The following SRSF11 variants were observed in gnomAD, a reference collection of about 807,000 sequenced individuals.
SRSF11 encodes the protein serine and arginine rich splicing factor 11, also known as serine/arginine-rich splicing factor 11.
SRSF11 carries 9 observed loss-of-function variants against 56.0 expected under a neutral mutation model. That is an observed-to-expected ratio of 0.16 (90% CI 0.10 to 0.28). The LOEUF (loss-of-function observed/expected upper bound fraction) is 0.28. SRSF11 is among the 10% of genes least tolerant of loss of function. The pLI is 1.00. For missense variants in SRSF11, 421 were observed against 600.7 expected (o/e 0.70, Z 3.13); for synonymous variants, 222 against 215.3 (o/e 1.03, Z -0.27).
At chr1:70,239,169 G>A (rs1390364250) in intron 6 of SRSF11, among the ~76,000 whole-genome samples, 1 of 152,080 alleles carries the variant, frequency 6.6e-6, no homozygotes, top group African/African-American at 2.4e-5. Context: ...ACAGCTCACT[G>A]CACCGTCCAT....
rs773976710 is a variant in SRSF11, at chr1:70,244,825, TG to T, written c.932+13del. 3 of 1,613,154 alleles carry T rather than the reference TG, an allele frequency of 1.9e-6. No individual in the cohort carries two copies. The highest frequency in any genetic ancestry group is 8.5e-7 in the Non-Finnish European group (1 of 1,179,460). The stretch of plus-strand genomic sequence containing the variant: ...GCACATCAAAAACAAGGTATAGCAT[TG>T]GGTGAGAAAGCAAATTTTAGGGTTC... On this transcript the variant is annotated intron_variant, in intron 8 of 11. Coordinates refer to ENST00000370949, the MANE Select transcript of SRSF11 (RefSeq NM_001350605.2).
At chr1:70,216,479 C>T (rs909045778), upstream of SRSF11, among the ~76,000 whole-genome samples, 4 of 150,616 alleles carry the variant, frequency 2.7e-5, no homozygotes, top group African/African-American at 7.3e-5. Flanking sequence ...GTCACCCAGA[C>T]TAGAGTACAG....
chr1:70,229,670 T>G, intron 2 of SRSF11: 1 of 985,210 alleles, frequency 1.0e-6, no homozygotes, highest in Non-Finnish European at 1.2e-6. Context: ...AATCTTAATA[T>G]TGTTCATTTT....
chr1:70,239,320 G>A (rs1396213525), intron 6 of SRSF11, 119 bp from the exon 7 acceptor site: 2 of 662,878 alleles, frequency 3.0e-6, no homozygotes, highest in African/African-American at 1.9e-5. Context: ...TTGAACTCCT[G>A]GACTGAAGTG....
At chr1:70,229,821 CATGTT>C (rs1672518264) in intron 2 of SRSF11, 2 of 983,356 alleles carry the variant, frequency 2.0e-6, no homozygotes, top group Non-Finnish European at 2.4e-6. Flanking sequence ...TGGGTTAAGA[CATGTT>C]ATGTAATAGT....
intron 3 of SRSF11, among the ~76,000 whole-genome samples, chr1:70,233,200 G>C (rs904352721): frequency 1.8e-4 from 28 of 151,364 alleles, no homozygotes; most frequent in Admixed American, 1.8e-3. Context: ...TTTATTCTTT[G>C]TTCTGTTTTG....
chr1:70,219,471 A>G (rs1670313429), upstream of SRSF11, among the ~76,000 whole-genome samples: 1 of 152,242 alleles, frequency 6.6e-6, no homozygotes, highest in Non-Finnish European at 1.5e-5. Context: ...AGAAATAAAA[A>G]GTCTGTACAT....
intron 2 of SRSF11, 79 bp downstream of exon 2, chr1:70,228,634 AG>A: frequency 1.4e-6 from 2 of 1,462,440 alleles, no homozygotes; most frequent in Non-Finnish European, 1.8e-6. Flanking sequence ...GAGCATTAGT[AG>A]CATGTTAAAT....
chr1:70,221,980 G>C, intron 1 of SRSF11, 141 bp downstream of exon 1: 2 of 1,421,196 alleles, frequency 1.4e-6, no homozygotes, highest in Non-Finnish European at 1.8e-6. Context: ...TACTTAAGAC[G>C]GTTGTGTTCC....
Position 70,207,300 on chromosome 1 carries a change from C to T in SRSF11, c.-26+1520C>T, listed in dbSNP as rs575200919. Among the ~76,000 whole-genome samples, 7 of 152,240 alleles carry T rather than the reference C, an allele frequency of 4.6e-5. No individual in the cohort carries two copies. The South Asian group carries it at 1.5e-3, about 32-fold the overall frequency. Reference sequence around the variant, plus strand: ...AATAGCTGCCTTATTGGGCCCATACCAGGCTCAGTGCTAATAATACCTCTG... The same window carrying T: ...AATAGCTGCCTTATTGGGCCCATACTAGGCTCAGTGCTAATAATACCTCTG... On this transcript the variant is annotated intron_variant, in intron 1 of 12. Transcript: ENST00000370950.
chr1:70,221,717 C>T lies in SRSF11; in HGVS notation c.81C>T (p.Gly27=), dbSNP rs1473104016. 6.2e-7 allele frequency: 1 copy of T among 1,613,622 alleles called. No individual in the cohort carries two copies. Among genetic ancestry groups the T allele is most frequent in the Admixed American group, 1.7e-5 (1 of 60,002 alleles). ...CCGGTGGCGGAGGTGGTGGTGGCGG[C>T]GGAGGCGGCGGCACCGAGGTAATCC... is the stretch of plus-strand genomic sequence containing the variant. The part of the protein sequence containing the change: ...GGPGGGGGGG[G]GGGGTEVIQV... The change falls in exon 1 of 12, where the codon GGC becomes GGT. Residue 27 remains glycine (G), a synonymous_variant. Transcript: ENST00000370949.
intron 5 of SRSF11, 114 bp from the exon 6 acceptor site, chr1:70,237,311 C>T: frequency 2.3e-6 from 3 of 1,332,290 alleles, no homozygotes; most frequent in Non-Finnish European, 3.1e-6. Context: ...GTCCTCCCCT[C>T]CCTTTTTTTG....
intron 2 of SRSF11, 192 bp downstream of exon 2, chr1:70,228,747 T>C: frequency 7.9e-7 from 1 of 1,266,790 alleles, no homozygotes. Flanking sequence ...TCTGTTATTA[T>C]AAGGTATTTA....
intron 1 of SRSF11, among the ~76,000 whole-genome samples, chr1:70,214,269 A>G (rs1055278541): frequency 1.3e-5 from 2 of 152,160 alleles, no homozygotes; most frequent in African/African-American, 2.4e-5. Context: ...CTTTTATAAC[A>G]TAGAAGATAG....
intron 1 of SRSF11, among the ~76,000 whole-genome samples, chr1:70,212,207 T>G (rs1470395825): frequency 6.6e-6 from 1 of 152,170 alleles, no homozygotes; most frequent in African/African-American, 2.4e-5. Context: ...TTTGATAGTT[T>G]TTTTGTTCTG....
At chr1:70,227,458 A>T (rs967802689) in intron 1 of SRSF11, among the ~76,000 whole-genome samples, 1 of 152,200 alleles carries the variant, frequency 6.6e-6, no homozygotes, top group African/African-American at 2.4e-5. Context: ...GATTTAATTC[A>T]TGTGAAGAGT....
At chr1:70,235,396 G>A (rs1456223073) in intron 4 of SRSF11, 105 bp from the exon 5 acceptor site, 5 of 874,630 alleles carry the variant, frequency 5.7e-6, no homozygotes, top group African/African-American at 3.4e-5. Context: ...TATGTTTCAT[G>A]GCATGTAGTC....
chr1:70,232,077 T>G, intron 2 of SRSF11, 191 bp from the exon 3 acceptor site: 1 of 1,534,996 alleles, frequency 6.5e-7, no homozygotes, highest in Non-Finnish European at 8.8e-7. Flanking sequence ...GAAACAAATT[T>G]TCACACATTG....
At chr1:70,233,739 G>A (rs1673345845) in intron 3 of SRSF11, among the ~76,000 whole-genome samples, 1 of 152,206 alleles carries the variant, frequency 6.6e-6, no homozygotes, top group South Asian at 2.1e-4. Flanking sequence ...AAGTGAGGCT[G>A]TTTCAAAAGC....
Sources: gnomAD v4.1 joint callset for allele counts (sites outside exome capture counted in the v4.1 genomes callset) on GRCh38, gnomAD v4.1.1 for gene constraint, MANE v1.5 for transcripts, NCBI Gene and HGNC (gene_info 2026-07-23, HGNC 2026-07-21) for gene names.